Variants in AGO1 observed in about 807,000 individuals in gnomAD.
AGO1 encodes protein argonaute-1.
AGO1 carries 11 observed loss-of-function variants against 109.2 expected under a neutral mutation model. The observed-to-expected ratio is 0.10, with a 90% CI of 0.06 to 0.17. AGO1 has a LOEUF of 0.17. Ranked by LOEUF, AGO1 falls within the 10% of genes least tolerant of loss-of-function variation. AGO1 has a pLI of 1.00. For synonymous variants in AGO1, 422 were observed against 418.6 expected (o/e 1.01, Z -0.10); for missense variants, 574 against 1,140.3 (o/e 0.50, Z 7.15).
chr1:35,905,759 C>T (rs552370640), intron 11 of AGO1, among the ~76,000 whole-genome samples: 1 of 152,342 alleles, frequency 6.6e-6, no homozygotes, highest in African/African-American at 2.4e-5. Context: ...GTGTGAGCCA[C>T]TGCACCAGCC....
rs541278799 is a variant in AGO1, at chr1:35,883,761, G to A, written c.25+315G>A. Among the ~76,000 whole-genome samples the A allele has an allele frequency of 6.6e-6, 1 of 152,232 alleles. No individual in the cohort carries two copies. ...CTACGGAGAGGCCCGGCAGGTGGCA[G>A]GGGACGGGCTCCAGGTGTCCAGGAG... On this transcript the variant is annotated intron_variant, in intron 1 of 18. Transcript: ENST00000373204. The surrounding 1 kb of genome is among the most constrained non-coding windows in gnomAD (Gnocchi z 5.4).
chr1:35,917,841 T>C (rs985268933), intron 16 of AGO1, 114 bp downstream of exon 16: 1 of 1,435,908 alleles, frequency 7.0e-7, no homozygotes, highest in African/African-American at 1.4e-5. Context: ...CTATCCTCCC[T>C]GGCCCCTTCC....
intron 2 of AGO1, among the ~76,000 whole-genome samples, chr1:35,890,903 A>G (rs1405765001): frequency 6.6e-6 from 1 of 152,200 alleles, no homozygotes; most frequent in Admixed American, 6.5e-5. Flanking sequence ...ATGTTTAAAA[A>G]TAATGTATGG....
chr1:35,882,923 G>A (rs2148705718), upstream of AGO1: 2 of 983,282 alleles, frequency 2.0e-6, no homozygotes, highest in Non-Finnish European at 1.2e-6. The surrounding 1 kb of genome is among the most constrained non-coding windows in gnomAD (Gnocchi z 5.1). Context: ...TGCGACAGGC[G>A]GGGGCTGTGT....
At position 35,919,657 on chromosome 1, in the gene AGO1, A is replaced by G. The variant is rs748552081; in HGVS notation, c.*50A>G. 2 of 1,553,528 alleles carry G rather than the reference A, an allele frequency of 1.3e-6. No individual in the cohort carries two copies. Among genetic ancestry groups the G allele is most frequent in the African/African-American group, 1.4e-5 (1 of 73,978 alleles). On this transcript the variant is annotated 3_prime_UTR_variant, in exon 19 of 19. Coordinates refer to ENST00000373204, the MANE Select transcript of AGO1 (RefSeq NM_012199.5). The surrounding 1 kb of genome is among the most constrained non-coding windows in gnomAD (Gnocchi z 6.6). The stretch of plus-strand genomic sequence containing the variant: ...GATAGAAGAAAGCTTTCCAAGCCCC[A>G]GGAGCTGTGCCACCCAAATCCAGAG...
At chr1:35,904,845 C>G (rs895763579) in intron 11 of AGO1, among the ~76,000 whole-genome samples, 8 of 152,084 alleles carry the variant, frequency 5.3e-5, no homozygotes, top group African/African-American at 9.7e-5. Context: ...AGCAAAGTCC[C>G]TAAGTGTGGA....
rs1207592796 is a variant in AGO1, at chr1:35,902,194, C to A, written c.1264-10C>A. 6.2e-7 allele frequency: 1 copy of A among 1,612,140 alleles called. No individual in the cohort carries two copies. The highest frequency in any genetic ancestry group is 8.5e-7 in the Non-Finnish European group (1 of 1,178,842). On this transcript the variant is annotated splice_polypyrimidine_tract_variant and intron_variant, in intron 10 of 18. Coordinates refer to ENST00000373204, the MANE Select transcript of AGO1 (RefSeq NM_012199.5). Reference sequence around the variant, plus strand: ...AGGCTCACCTAGGCGCCCCCTCTACCTATCCCCAGAACCGGGCCATTGCCA... The same window carrying A: ...AGGCTCACCTAGGCGCCCCCTCTACATATCCCCAGAACCGGGCCATTGCCA...
In AGO1 at chr1:35,927,521, C is replaced by T. The variant is rs1645953620; in HGVS notation, c.*7914C>T. 6.6e-6 allele frequency: 1 copy of T among 152,154 alleles called. No individual in the cohort carries two copies. Among genetic ancestry groups the T allele is most frequent in the African/African-American group, 2.4e-5 (1 of 41,416 alleles). The allele number at this position is 152,154 out of a possible 1,614,324, so 9.4% of individuals were successfully genotyped here. On this transcript the variant is annotated 3_prime_UTR_variant, in exon 19 of 19. Coordinates refer to ENST00000373204, the MANE Select transcript of AGO1 (RefSeq NM_012199.5). The stretch of plus-strand genomic sequence containing the variant: ...AAAGAGAGACAGATTTTTCTGTGTC[C>T]TTCTAAAGCAAGGAAGTCTTCCCCT...
chr1:35,880,375 C>A (rs76048319), upstream of AGO1, among the ~76,000 whole-genome samples: 123 of 152,052 alleles, frequency 8.1e-4, no homozygotes, highest in East Asian at 0.02. Flanking sequence ...TATAGCGAGA[C>A]CCTCATCTCT....
At chr1:35,877,483 A>G (rs991934913) in intron 1 of AGO1, among the ~76,000 whole-genome samples, 4 of 152,066 alleles carry the variant, frequency 2.6e-5, no homozygotes, top group African/African-American at 9.7e-5. Context: ...ATTATCCCAG[A>G]CTAGATTAGA....
intron 11 of AGO1, 118 bp from the exon 12 acceptor site, chr1:35,906,817 A>AG: frequency 1.1e-6 from 1 of 915,702 alleles, no homozygotes; most frequent in East Asian, 2.6e-5. Flanking sequence ...GGAAAAAAAA[A>AG]AAAAAAAACC....
At position 35,916,420 on chromosome 1, in the gene AGO1, C is replaced by T. The variant is rs12564377; in HGVS notation, c.2028+878C>T. Among the ~76,000 whole-genome samples the T allele has an allele frequency of 3.1e-3, 469 of 152,110 alleles. 22 individuals are homozygous for T. In the East Asian group the frequency reaches 0.081, roughly 26 times the overall value. ...AGTCTCGCTCTTGCCCAGGGTGGAGCGCAGTGGTGTGATCTTAGCTCACTG... is the reference window on the plus strand; with the variant it reads ...AGTCTCGCTCTTGCCCAGGGTGGAGTGCAGTGGTGTGATCTTAGCTCACTG... On this transcript the variant is annotated intron_variant, in intron 15 of 18. Coordinates refer to ENST00000373204, the MANE Select transcript of AGO1 (RefSeq NM_012199.5).
chr1:35,893,044 C>G lies in AGO1; in HGVS notation c.331-53C>G. On this transcript the variant is annotated intron_variant, in intron 3 of 18. Coordinates refer to ENST00000373204, the MANE Select transcript of AGO1 (RefSeq NM_012199.5). The surrounding 1 kb of genome is among the most constrained non-coding windows in gnomAD (Gnocchi z 5.6). Reference sequence around the variant, plus strand: ...TCAGCAAATCCATGGAGTTGGGGGTCATTCTCGCAGAGCAATGGCAATCCT... The same window carrying G: ...TCAGCAAATCCATGGAGTTGGGGGTGATTCTCGCAGAGCAATGGCAATCCT... The G allele has an allele frequency of 1.3e-6, 2 of 1,526,262 alleles. No homozygotes were observed. Among genetic ancestry groups the G allele is most frequent in the Non-Finnish European group, 9.0e-7 (1 of 1,115,002 alleles). The allele number at this position is 1,526,262 out of a possible 1,614,324, so 94.5% of individuals were successfully genotyped here. A position where few individuals can be genotyped will look rare whatever the true frequency, so the allele number is the denominator to read the frequency against.
intron 1 of AGO1, among the ~76,000 whole-genome samples, chr1:35,887,558 C>T (rs1344563616): frequency 6.6e-6 from 1 of 152,172 alleles, no homozygotes; most frequent in South Asian, 2.1e-4. Flanking sequence ...ATCTGTGGGG[C>T]ATGGAGAGAA....
At chr1:35,874,106 T>G (rs181711334) in intron 1 of AGO1, among the ~76,000 whole-genome samples, 15 of 152,316 alleles carry the variant, frequency 9.8e-5, no homozygotes, top group Admixed American at 7.2e-4. Flanking sequence ...TTGCAATTGT[T>G]TTGGGGCACC....
intron 17 of AGO1, among the ~76,000 whole-genome samples, 195 bp from the exon 18 acceptor site, chr1:35,918,860 C>T (rs1645781827): frequency 6.6e-6 from 1 of 152,164 alleles, no homozygotes; most frequent in Admixed American, 6.5e-5. Context: ...CCGGCCAGGA[C>T]TGCTGTCGTA....
chr1:35,907,308 A>G (rs1645540627), intron 12 of AGO1, among the ~76,000 whole-genome samples, 189 bp downstream of exon 12: 1 of 152,018 alleles, frequency 6.6e-6, no homozygotes. Flanking sequence ...AATTACCTGC[A>G]CACACTCCTT....
At chr1:35,906,423 G>A (rs370305274) in intron 11 of AGO1, among the ~76,000 whole-genome samples, 3 of 152,258 alleles carry the variant, frequency 2.0e-5, no homozygotes, top group African/African-American at 7.2e-5. Context: ...CTCCTTGCTT[G>A]TACCATCGAA....
chr1:35,889,040 CAGAGGGGAGAAATGAATGGGATGT>C (rs1645169122), intron 2 of AGO1, among the ~76,000 whole-genome samples: 1 of 150,982 alleles, frequency 6.6e-6, no homozygotes, highest in African/African-American at 2.4e-5. Context: ...GGCAGAAGGA[CAGAGGGGAGAAATGAATGGGATGT>C]CCTTGATGAG....
Sources: gnomAD v4.1 joint callset for allele counts (sites outside exome capture counted in the v4.1 genomes callset) on GRCh38, gnomAD v4.1.1 for gene constraint, Gnocchi (gnomAD v3.1) non-coding constraint, MANE v1.5 for transcripts, NCBI Gene and HGNC (gene_info 2026-07-23, HGNC 2026-07-21) for gene names.